PRMT8: variants seen among roughly 807,000 people sequenced by gnomAD.
PRMT8 encodes protein arginine methyltransferase 8.
PRMT8 carries 7 observed loss-of-function variants against 47.1 expected under a neutral mutation model. That is an observed-to-expected ratio of 0.15 (90% CI 0.08 to 0.28). PRMT8 has a LOEUF of 0.28. PRMT8 is among the 10% of genes least tolerant of loss of function. The pLI, the probability that PRMT8 is intolerant of heterozygous loss-of-function variation, is 1.00. For missense variants in PRMT8, 237 were observed against 505.4 expected (o/e 0.47, Z 5.09); for synonymous variants, 188 against 186.5 (o/e 1.01, Z -0.07).
At chr12:3,486,914 C>T (rs1028973358), upstream of PRMT8, among the ~76,000 whole-genome samples, 5 of 152,142 alleles carry the variant, frequency 3.3e-5, no homozygotes, top group Admixed American at 6.5e-5. Flanking sequence ...AAGAAAAATC[C>T]CACCTCATAT....
intron 1 of PRMT8, among the ~76,000 whole-genome samples, chr12:3,482,786 T>C (rs1017176394): frequency 6.6e-6 from 1 of 152,176 alleles, no homozygotes; most frequent in Non-Finnish European, 1.5e-5. Context: ...ATCACTCCCA[T>C]TTACTGAGGT....
intron 1 of PRMT8, among the ~76,000 whole-genome samples, chr12:3,397,891 A>C (rs1243628913): frequency 1.3e-5 from 2 of 152,218 alleles, no homozygotes; most frequent in Non-Finnish European, 2.9e-5. Flanking sequence ...CCTCCGAGCC[A>C]GGTGTGGGAT....
At chr12:3,546,192 CA>C (rs760313942) in intron 2 of PRMT8, among the ~76,000 whole-genome samples, 4 of 152,102 alleles carry the variant, frequency 2.6e-5, no homozygotes, top group Non-Finnish European at 4.4e-5. Context: ...GACGGAAATT[CA>C]AGCAATATTT....
chr12:3,509,491 A>G (rs574749027), intron 1 of PRMT8, among the ~76,000 whole-genome samples: 3 of 152,260 alleles, frequency 2.0e-5, no homozygotes, highest in African/African-American at 4.8e-5. Context: ...GAAGTCAACC[A>G]TCAACTTTGT....
chr12:3,499,164 TA>T (rs1211085226), intron 1 of PRMT8, among the ~76,000 whole-genome samples: 22 of 147,818 alleles, frequency 1.5e-4, no homozygotes, highest in African/African-American at 5.2e-4. Context: ...TTTTTATTTT[TA>T]TTTATTTATT....
At chr12:3,489,763 G>A (rs564167153), upstream of PRMT8, among the ~76,000 whole-genome samples, 15 of 151,892 alleles carry the variant, frequency 9.9e-5, no homozygotes, top group East Asian at 2.7e-3. Context: ...GTTCTGAGAA[G>A]GGAAAAGGTT....
chr12:3,564,346 A>G lies in PRMT8; in HGVS notation c.482-4360A>G, dbSNP rs1330319531. On this transcript the variant is annotated intron_variant, in intron 4 of 9. Transcript: ENST00000382622. This position sits in a 1 kb window ranked among gnomAD's most constrained non-coding sequence, Gnocchi z 4.0. Reference sequence around the variant, plus strand: ...CTTCAGATCCTACGGGCATCAGCTGACCCTGATGGATGCACTGGAGGCTCA... The same window carrying G: ...CTTCAGATCCTACGGGCATCAGCTGGCCCTGATGGATGCACTGGAGGCTCA... Among the ~76,000 whole-genome samples, 2 of 152,144 alleles carry G rather than the reference A, an allele frequency of 1.3e-5. No individual in the cohort carries two copies. The highest frequency in any genetic ancestry group is 2.9e-5 in the Non-Finnish European group (2 of 68,030).
chr12:3,392,789 T>G (rs1378880344), intron 1 of PRMT8, among the ~76,000 whole-genome samples: 1 of 151,776 alleles, frequency 6.6e-6, no homozygotes, highest in African/African-American at 2.4e-5. Flanking sequence ...ATCGCCACAC[T>G]GACTTCCACA....
At chr12:3,567,552 G>A (rs1489548974) in intron 4 of PRMT8, among the ~76,000 whole-genome samples, 1 of 152,190 alleles carries the variant, frequency 6.6e-6, no homozygotes, top group Non-Finnish European at 1.5e-5. Flanking sequence ...GAGTTTTAGA[G>A]TCATGTCATA....
intron 1 of PRMT8, among the ~76,000 whole-genome samples, chr12:3,445,950 C>T (rs145505287): frequency 2.1e-3 from 321 of 152,188 alleles, no homozygotes; most frequent in African/African-American, 7.5e-3. Flanking sequence ...AGGGGGTACC[C>T]ATATGATTCC....
rs57504454 is a variant in PRMT8 at position 3,437,622 on chromosome 12, C to CTATATATATA, written c.48+56200_48+56209dup. Among the ~76,000 whole-genome samples, 286 of 142,840 alleles carry CTATATATATA rather than the reference C, an allele frequency of 2.0e-3. 1 individual carries two copies. Among genetic ancestry groups the CTATATATATA allele is most frequent in the African/African-American group, 5.4e-3 (198 of 36,890 alleles). 93.7% of individuals were successfully genotyped at this position (142,840 alleles called of 152,430 possible). On this transcript the variant is annotated intron_variant, in intron 1 of 9. Transcript: ENST00000452611. ...ATTCCCTTTCTGGTGTGCATTCAGGCTATATATATATATATATATATATAT... is the reference window on the plus strand; with the variant it reads ...ATTCCCTTTCTGGTGTGCATTCAGGCTATATATATATATATATATATATATATATATATAT...
intron 1 of PRMT8, among the ~76,000 whole-genome samples, chr12:3,497,141 G>A (rs1865522821): frequency 1.3e-5 from 2 of 152,172 alleles, no homozygotes; most frequent in Admixed American, 6.5e-5. Context: ...TCTGCCAGCA[G>A]GGGGAAAATG....
At chr12:3,507,741 T>C (rs980320644) in intron 1 of PRMT8, among the ~76,000 whole-genome samples, 1 of 151,674 alleles carries the variant, frequency 6.6e-6, no homozygotes, top group Non-Finnish European at 1.5e-5. Flanking sequence ...TTTGTTAGAA[T>C]TCTTTTTCTT....
intron 4 of PRMT8, among the ~76,000 whole-genome samples, chr12:3,554,818 C>T (rs1483896751): frequency 3.3e-5 from 5 of 152,156 alleles, no homozygotes; most frequent in African/African-American, 4.8e-5. Flanking sequence ...CTGTGCTGTG[C>T]GACCCTTTGC....
intron 1 of PRMT8, among the ~76,000 whole-genome samples, chr12:3,425,099 T>C (rs1006703788): frequency 6.6e-6 from 1 of 152,236 alleles, no homozygotes; most frequent in Non-Finnish European, 1.5e-5. Flanking sequence ...TACACAGTTA[T>C]GTTCAACTGG....
At chr12:3,482,070 G>A (rs1294542744) in intron 1 of PRMT8, among the ~76,000 whole-genome samples, 3 of 152,182 alleles carry the variant, frequency 2.0e-5, no homozygotes, top group Non-Finnish European at 4.4e-5. Flanking sequence ...ATAAAATGAG[G>A]CTGAAGGAAA....
intron 2 of PRMT8, among the ~76,000 whole-genome samples, chr12:3,549,497 CT>C (rs34813997): frequency 0.82 from 118,465 of 145,178 alleles, 47,526 homozygotes; most frequent in South Asian, 0.91. Context: ...ATTTTCTAGT[CT>C]TTTTTTTTTT....
intron 7 of PRMT8, among the ~76,000 whole-genome samples, chr12:3,581,321 A>G (rs1200285851): frequency 1.3e-5 from 2 of 152,202 alleles, no homozygotes; most frequent in African/African-American, 4.8e-5. Flanking sequence ...ATTGGAACAC[A>G]CATTTGGCTT....
chr12:3,579,708 C>T (rs1195933223), intron 7 of PRMT8, among the ~76,000 whole-genome samples: 6 of 152,224 alleles, frequency 3.9e-5, no homozygotes, highest in Non-Finnish European at 8.8e-5. Context: ...TCTTCACACA[C>T]TTAATTGCTA....
Sources: gnomAD v4.1 joint callset for allele counts (sites outside exome capture counted in the v4.1 genomes callset) on GRCh38, gnomAD v4.1.1 for gene constraint, Gnocchi (gnomAD v3.1) non-coding constraint, MANE v1.5 for transcripts, NCBI Gene and HGNC (gene_info 2026-07-23, HGNC 2026-07-21) for gene names.